DCDC1: variants seen among roughly 807,000 people sequenced by gnomAD.
The protein encoded by DCDC1 is doublecortin domain-containing protein 1.
Under a neutral mutation model 178.3 loss-of-function variants are expected in DCDC1, and 200 were observed. That is an observed-to-expected ratio of 1.12 (90% confidence interval 1.00 to 1.26). The LOEUF (loss-of-function observed/expected upper bound fraction) is 1.26. DCDC1 is among the 50% of genes most tolerant of loss of function. The pLI is 0.00. For missense variants in DCDC1, 1,983 were observed against 1,749.2 expected (o/e 1.13, Z -2.38); for synonymous variants, 690 against 604.8 (o/e 1.14, Z -2.07).
intron 20 of DCDC1, among the ~76,000 whole-genome samples, chr11:31,030,470 C>T (rs1160341391): frequency 6.6e-6 from 1 of 152,170 alleles, no homozygotes; most frequent in East Asian, 1.9e-4. Context: ...TGATCTACTA[C>T]TTTGACAAAA....
intron 7 of DCDC1, 49 bp downstream of exon 7, chr11:31,290,598 A>T (rs756717181): frequency 5.2e-6 from 8 of 1,530,522 alleles, no homozygotes; most frequent in Non-Finnish European, 7.0e-6. Context: ...TTCAACAGCC[A>T]CAAAACTTTG....
At chr11:31,019,853 G>A (rs941787457) in intron 20 of DCDC1, among the ~76,000 whole-genome samples, 2 of 151,874 alleles carry the variant, frequency 1.3e-5, no homozygotes, top group Admixed American at 6.6e-5. Flanking sequence ...TAATCTCTCT[G>A]TCCAGAGCAC....
At chr11:31,107,344 G>A (rs1208022267) in intron 12 of DCDC1, among the ~76,000 whole-genome samples, 2 of 152,140 alleles carry the variant, frequency 1.3e-5, no homozygotes, top group Non-Finnish European at 2.9e-5. Flanking sequence ...TCCAGACCAC[G>A]TTCAAGTTTC....
intron 16 of DCDC1, among the ~76,000 whole-genome samples, chr11:31,092,721 G>A (rs1957893472): frequency 6.6e-6 from 1 of 152,160 alleles, no homozygotes; most frequent in South Asian, 2.1e-4. Flanking sequence ...GAAAGAATAT[G>A]GGATCTGAGA....
chr11:31,184,136 A>G (rs1969184288), intron 9 of DCDC1, among the ~76,000 whole-genome samples: 1 of 152,198 alleles, frequency 6.6e-6, no homozygotes. Context: ...AACGCCACAC[A>G]TCTACAACCA....
At chr11:31,063,621 A>C (rs539246076) in intron 20 of DCDC1, among the ~76,000 whole-genome samples, 2 of 152,266 alleles carry the variant, frequency 1.3e-5, no homozygotes, top group African/African-American at 4.8e-5. Flanking sequence ...GCTCATGCTG[A>C]TAATCCCATC....
chr11:31,027,365 G>A (rs927993838), intron 20 of DCDC1, among the ~76,000 whole-genome samples: 1 of 151,692 alleles, frequency 6.6e-6, no homozygotes, highest in Non-Finnish European at 1.5e-5. Context: ...CAAAGGATGA[G>A]GCCTGATACA....
chr11:31,085,736 C>T (rs1957433871), intron 17 of DCDC1, among the ~76,000 whole-genome samples: 1 of 151,956 alleles, frequency 6.6e-6, no homozygotes, highest in Non-Finnish European at 1.5e-5. Context: ...GACACAGGGT[C>T]TCGCTCTGTC....
At chr11:31,058,054 A>G (rs1955703237) in intron 20 of DCDC1, among the ~76,000 whole-genome samples, 1 of 152,148 alleles carries the variant, frequency 6.6e-6, no homozygotes, top group South Asian at 2.1e-4. Context: ...ACCATAAAAT[A>G]GTGTTTAGAA....
chr11:31,168,241 A>C lies in DCDC1; in HGVS notation c.1222-30457T>G, dbSNP rs1966856436. Among the ~76,000 whole-genome samples the C allele has an allele frequency of 1.3e-5, 2 of 152,104 alleles. 1 individual carries two copies. The highest frequency in any genetic ancestry group is 1.3e-4 in the Admixed American group (2 of 15,256). On this transcript the variant is annotated intron_variant, in intron 9 of 38. Transcript: ENST00000684477. Reference sequence around the variant, plus strand: ...TTATTTTTTGGATCACACAATTAGCACCTCACTATATGTTGTCAAGCTGTT... The same window carrying C: ...TTATTTTTTGGATCACACAATTAGCCCCTCACTATATGTTGTCAAGCTGTT...
chr11:31,215,461 G>T (rs1028246804), intron 9 of DCDC1, among the ~76,000 whole-genome samples: 1 of 151,920 alleles, frequency 6.6e-6, no homozygotes, highest in South Asian at 2.1e-4. Context: ...TCTTTTGTTA[G>T]CCACCACTTA....
chr11:31,081,910 T>G (rs1590977352), intron 17 of DCDC1, among the ~76,000 whole-genome samples: 1 of 152,258 alleles, frequency 6.6e-6, no homozygotes, highest in African/African-American at 2.4e-5. Flanking sequence ...TAATTTACAA[T>G]AACTTCTTAA....
intron 36 of DCDC1, among the ~76,000 whole-genome samples, chr11:30,892,320 C>T (rs1247094429): frequency 6.6e-6 from 1 of 152,034 alleles, no homozygotes. Context: ...GATAGGCTTT[C>T]TCTAATGAGT....
intron 3 of DCDC1, among the ~76,000 whole-genome samples, chr11:31,313,023 A>G (rs1948860780): frequency 6.6e-6 from 1 of 152,018 alleles, no homozygotes; most frequent in African/African-American, 2.4e-5. Flanking sequence ...AAAGTCAAAT[A>G]AAATATTTAT....
In DCDC1 at chr11:30,951,099, G is replaced by T. The variant is rs375697858; in HGVS notation, c.2715+1346C>A. Among the ~76,000 whole-genome samples, 16 of 152,114 alleles carry T rather than the reference G, an allele frequency of 1.1e-4. No homozygotes were observed. The East Asian group carries it at 1.9e-3, about 18-fold the overall frequency. On this transcript the variant is annotated intron_variant, in intron 21 of 38. Transcript: ENST00000684477. ...AGAGTTGATAGGTGATAATTTTCCA[G>T]AAATTCTGCAAGATGCCAATCCACA...
At chr11:31,196,557 A>C (rs887182879) in intron 9 of DCDC1, among the ~76,000 whole-genome samples, 1 of 152,044 alleles carries the variant, frequency 6.6e-6, no homozygotes, top group Admixed American at 6.6e-5. Flanking sequence ...GAAACCGTTT[A>C]TTTACTATTA....
At chr11:30,911,264 C>T (rs752051076) in intron 28 of DCDC1, 63 bp downstream of exon 28, 54 of 1,376,930 alleles carry the variant, frequency 3.9e-5, no homozygotes, top group Middle Eastern at 3.6e-4. Context: ...TACAAGGAAG[C>T]ACAAAGCTTT....
chr11:31,073,080 G>T (rs1956664819), intron 18 of DCDC1, among the ~76,000 whole-genome samples: 1 of 151,894 alleles, frequency 6.6e-6, no homozygotes, highest in Non-Finnish European at 1.5e-5. Context: ...AAATAGTTTT[G>T]AATATGACTA....
At chr11:31,101,037 G>C (rs1435183201) in intron 15 of DCDC1, among the ~76,000 whole-genome samples, 3 of 152,122 alleles carry the variant, frequency 2.0e-5, no homozygotes, top group Non-Finnish European at 4.4e-5. Flanking sequence ...TATGCTCCTT[G>C]AAATAATCAA....
Sources: allele counts gnomAD v4.1 joint callset (sites outside exome capture counted in the v4.1 genomes callset), GRCh38; gene constraint gnomAD v4.1.1; transcripts MANE v1.5; gene names NCBI Gene and HGNC (gene_info 2026-07-23, HGNC 2026-07-21).